Variants in PTPRO observed in about 807,000 individuals in gnomAD.
The protein encoded by PTPRO is protein tyrosine phosphatase receptor type O.
In PTPRO, 62 loss-of-function variants were observed where a neutral mutation model predicts 145.2. The observed-to-expected ratio is 0.43, with a 90% CI of 0.35 to 0.53. The LOEUF (loss-of-function observed/expected upper bound fraction) is 0.53. Among genes scored for constraint, PTPRO ranks in the 20% least tolerant of loss-of-function variants. PTPRO has a pLI of 0.01. For synonymous variants in PTPRO, 565 were observed against 514.7 expected, an observed-to-expected ratio of 1.10 and a Z score of -1.32; for missense variants, 1,345 against 1,482.7, an observed-to-expected ratio of 0.91 and a Z score of 1.53.
intron 15 of PTPRO, among the ~76,000 whole-genome samples, chr12:15,553,275 T>C (rs1241191458): frequency 6.6e-6 from 1 of 151,990 alleles, no homozygotes; most frequent in African/African-American, 2.4e-5. Flanking sequence ...ACAATAAAGA[T>C]ATAAGTAAAA....
intron 1 of PTPRO, among the ~76,000 whole-genome samples, chr12:15,413,852 T>C (rs1184052824): frequency 6.6e-6 from 1 of 152,024 alleles, no homozygotes; most frequent in Non-Finnish European, 1.5e-5. Context: ...AAATAAAAGA[T>C]TGAGACTTTT....
intron 1 of PTPRO, among the ~76,000 whole-genome samples, chr12:15,468,874 T>C (rs1941476194): frequency 6.6e-6 from 1 of 152,188 alleles, no homozygotes; most frequent in Non-Finnish European, 1.5e-5. Flanking sequence ...GGATCAGTCT[T>C]TCAGAAGACC....
At chr12:15,493,603 A>G (rs1942043473) in intron 2 of PTPRO, among the ~76,000 whole-genome samples, 1 of 152,194 alleles carries the variant, frequency 6.6e-6, no homozygotes, top group African/African-American at 2.4e-5. Context: ...ATAACATTTC[A>G]CACACCTCAG....
chr12:15,492,839 T>C (rs1942026640), intron 2 of PTPRO, among the ~76,000 whole-genome samples: 1 of 152,064 alleles, frequency 6.6e-6, no homozygotes. Context: ...GGAGAGGCTC[T>C]AGCTAAGAAG....
chr12:15,587,158 A>G (rs1944446987), intron 24 of PTPRO, 107 bp downstream of exon 24: 1 of 1,253,426 alleles, frequency 8.0e-7, no homozygotes, highest in South Asian at 1.3e-5. Flanking sequence ...AAATTAAATA[A>G]ACTCTGATGT....
intron 1 of PTPRO, among the ~76,000 whole-genome samples, chr12:15,360,837 T>TAC (rs1396301114): frequency 1.7e-5 from 2 of 115,828 alleles, no homozygotes; most frequent in Non-Finnish European, 3.8e-5. Flanking sequence ...TGTATATATA[T>TAC]ACGTGTGTAT....
intron 1 of PTPRO, among the ~76,000 whole-genome samples, chr12:15,482,988 T>C (rs1941811372): frequency 6.6e-6 from 1 of 152,120 alleles, no homozygotes; most frequent in African/African-American, 2.4e-5. Context: ...ATTTTCAACA[T>C]TAAATGAGAT....
chr12:15,561,877 A>T (rs1943781882), intron 17 of PTPRO, among the ~76,000 whole-genome samples: 1 of 152,124 alleles, frequency 6.6e-6, no homozygotes, highest in Admixed American at 6.6e-5. Context: ...AAGCTTCTGT[A>T]AGGTAGGCCT....
chr12:15,575,496 G>C (rs1390774410), intron 19 of PTPRO, among the ~76,000 whole-genome samples: 1 of 152,210 alleles, frequency 6.6e-6, no homozygotes, highest in African/African-American at 2.4e-5. Context: ...AGAACTGTGA[G>C]ACATAAATCT....
intron 1 of PTPRO, among the ~76,000 whole-genome samples, chr12:15,336,782 A>C (rs983382698): frequency 6.6e-6 from 1 of 152,182 alleles, no homozygotes; most frequent in Non-Finnish European, 1.5e-5. Context: ...GCCTACGCCC[A>C]GCCTTGCTAA....
At chr12:15,563,681 C>T (rs747631442) in intron 17 of PTPRO, among the ~76,000 whole-genome samples, 3 of 152,258 alleles carry the variant, frequency 2.0e-5, no homozygotes, top group South Asian at 2.1e-4. Flanking sequence ...TGTCTCTCCT[C>T]CATGAATCAA....
At chr12:15,412,782 G>GTTTTGT (rs551140036) in intron 1 of PTPRO, among the ~76,000 whole-genome samples, 18 of 151,940 alleles carry the variant, frequency 1.2e-4, no homozygotes, top group East Asian at 1.9e-4. Context: ...TGTTGTTGTT[G>GTTTTGT]TTTTGTTTTT....
At chr12:15,394,424 C>T (rs1475830042) in intron 1 of PTPRO, among the ~76,000 whole-genome samples, 1 of 152,000 alleles carries the variant, frequency 6.6e-6, no homozygotes, top group Non-Finnish European at 1.5e-5. Flanking sequence ...ATACCAAGTG[C>T]CAGAGGCTGA....
At chr12:15,497,928 C>G (rs943275899) in intron 3 of PTPRO, among the ~76,000 whole-genome samples, 1 of 152,040 alleles carries the variant, frequency 6.6e-6, no homozygotes, top group Non-Finnish European at 1.5e-5. Context: ...GAGAAAAGAG[C>G]CCAGGAGAAG....
intron 23 of PTPRO, among the ~76,000 whole-genome samples, chr12:15,584,622 G>A (rs1944392492): frequency 6.6e-6 from 1 of 152,152 alleles, no homozygotes; most frequent in African/African-American, 2.4e-5. Context: ...ACAAGCGTCT[G>A]GTACCAGAGT....
At chr12:15,521,162 A>G (rs934036939) in intron 10 of PTPRO, among the ~76,000 whole-genome samples, 2 of 152,174 alleles carry the variant, frequency 1.3e-5, no homozygotes, top group Non-Finnish European at 2.9e-5. Context: ...AATACCGCTT[A>G]GAGGAATAAT....
intron 1 of PTPRO, among the ~76,000 whole-genome samples, chr12:15,420,278 T>C (rs1940108302): frequency 6.6e-6 from 1 of 151,666 alleles, no homozygotes; most frequent in Non-Finnish European, 1.5e-5. Context: ...CCTAATTCCT[T>C]AGCATGTCAT....
At chr12:15,472,791 A>G (rs922924262) in intron 1 of PTPRO, among the ~76,000 whole-genome samples, 1 of 152,218 alleles carries the variant, frequency 6.6e-6, no homozygotes, top group Non-Finnish European at 1.5e-5. Context: ...CCTTTGGATG[A>G]GTGTGACCAG....
In PTPRO at chr12:15,440,792, C is replaced by T. The variant is rs3921928; in HGVS notation, c.76-43182C>T. Reference sequence around the variant, plus strand: ...AAAAAAAAGACAAAGAAGGCCATTACGTAATGATAAAGGGTTCAATTCAAC... The same window carrying T: ...AAAAAAAAGACAAAGAAGGCCATTATGTAATGATAAAGGGTTCAATTCAAC... On this transcript the variant is annotated intron_variant, in intron 1 of 26. Transcript: ENST00000281171. Among the ~76,000 whole-genome samples the T allele has an allele frequency of 1.2e-3, 188 of 152,204 alleles. 1 individual carries two copies. The highest frequency in any genetic ancestry group is 4.2e-3 in the African/African-American group (175 of 41,540).
Sources: allele counts gnomAD v4.1 joint callset (sites outside exome capture counted in the v4.1 genomes callset), GRCh38; gene constraint gnomAD v4.1.1; transcripts MANE v1.5; gene names NCBI Gene and HGNC (gene_info 2026-07-23, HGNC 2026-07-21).